SLC35A1: variants seen among roughly 807,000 people sequenced by gnomAD.
SLC35A1 encodes solute carrier family 35 member A1, also known as CMP-sialic acid transporter.
SLC35A1 carries 21 observed loss-of-function variants against 40.3 expected under a neutral mutation model. The ratio of observed to expected loss-of-function variants is 0.52; its 90% CI spans 0.37 to 0.75. SLC35A1 has a LOEUF of 0.75. Ranked by LOEUF, SLC35A1 falls within the 30% of genes least tolerant of loss-of-function variation. SLC35A1 has a pLI of 0.00. For missense variants in SLC35A1, 297 were observed against 382.1 expected (o/e 0.78, Z 1.86); for synonymous variants, 146 against 147.3 (o/e 0.99, Z 0.06).
chr6:87,488,707 T>G (rs755210900), intron 2 of SLC35A1, among the ~76,000 whole-genome samples: 1 of 152,234 alleles, frequency 6.6e-6, no homozygotes, highest in Non-Finnish European at 1.5e-5. Context: ...CTCCATGGAT[T>G]GTTCTTGGTG....
chr6:87,505,086 A>C (rs1376566642), intron 4 of SLC35A1, among the ~76,000 whole-genome samples: 1 of 152,144 alleles, frequency 6.6e-6, no homozygotes, highest in Non-Finnish European at 1.5e-5. Context: ...CAGTGGTGCC[A>C]CTGCTGCTGA....
In SLC35A1 at chr6:87,472,999, G is replaced by T. The variant is rs1237719622; in HGVS notation, c.-5G>T. 1 of 687,834 alleles carries T rather than the reference G, an allele frequency of 1.5e-6. No homozygotes were observed. Among genetic ancestry groups the T allele is most frequent in the Non-Finnish European group, 2.2e-6 (1 of 454,528 alleles). 42.6% of individuals were successfully genotyped at this position (687,834 alleles called of 1,614,324 possible). ...GTCAGTTCCGCGGGGGGCTGTCGGG[G>T]AACCATGGCTGCCCCGAGAGGTGAG... On this transcript the variant is annotated 5_prime_UTR_variant, in exon 1 of 8. Transcript: ENST00000369552.
At chr6:87,473,436 G>A (rs1768976759) in intron 1 of SLC35A1, among the ~76,000 whole-genome samples, 1 of 152,200 alleles carries the variant, frequency 6.6e-6, no homozygotes, top group South Asian at 2.1e-4. Context: ...CTACCCTGTG[G>A]ATGCTCAGAG....
chr6:87,483,588 T>G (rs1345486026), intron 2 of SLC35A1, among the ~76,000 whole-genome samples: 1 of 152,046 alleles, frequency 6.6e-6, no homozygotes, highest in Non-Finnish European at 1.5e-5. Flanking sequence ...AAACCAGGGG[T>G]GTCTTCCCTC....
At chr6:87,504,542 G>A (rs767793342) in intron 4 of SLC35A1, among the ~76,000 whole-genome samples, 35 of 152,046 alleles carry the variant, frequency 2.3e-4, no homozygotes, top group Admixed American at 7.9e-4. Flanking sequence ...TTCTTCTCAC[G>A]AGCCATGGAA....
At chr6:87,501,358 C>T (rs762223275) in intron 4 of SLC35A1, 48 bp downstream of exon 4, 7 of 1,562,628 alleles carry the variant, frequency 4.5e-6, no homozygotes, top group South Asian at 2.3e-5. Flanking sequence ...AGAAAACTTC[C>T]TTAAGTCTTA....
chr6:87,505,985 A>C (rs138141046), intron 4 of SLC35A1, among the ~76,000 whole-genome samples: 298 of 152,350 alleles, frequency 2.0e-3, no homozygotes, highest in African/African-American at 7.0e-3. Flanking sequence ...GGTGATGAGG[A>C]ATAAATAAGT....
chr6:87,506,090 C>T (rs777984138), intron 4 of SLC35A1, among the ~76,000 whole-genome samples: 2 of 152,124 alleles, frequency 1.3e-5, no homozygotes, highest in Non-Finnish European at 2.9e-5. Flanking sequence ...TTGGCCTGTT[C>T]AAAAGTTCAT....
At chr6:87,502,031 T>C (rs554365028) in intron 4 of SLC35A1, among the ~76,000 whole-genome samples, 2 of 152,342 alleles carry the variant, frequency 1.3e-5, no homozygotes, top group African/African-American at 4.8e-5. Flanking sequence ...CTCTAACTTT[T>C]AGCAAACAGA....
chr6:87,505,033 G>A (rs1205378304), intron 4 of SLC35A1, among the ~76,000 whole-genome samples: 1 of 152,196 alleles, frequency 6.6e-6, no homozygotes, highest in Non-Finnish European at 1.5e-5. Context: ...TGGTTCAGTA[G>A]GTCTGGGGTA....
chr6:87,500,090 A>G (rs533888348), intron 2 of SLC35A1, among the ~76,000 whole-genome samples: 1 of 152,314 alleles, frequency 6.6e-6, no homozygotes, highest in African/African-American at 2.4e-5. Flanking sequence ...CGACACAACA[A>G]GACTCCATCT....
At chr6:87,498,791 C>A (rs1009692217) in intron 2 of SLC35A1, among the ~76,000 whole-genome samples, 1 of 151,664 alleles carries the variant, frequency 6.6e-6, no homozygotes, top group African/African-American at 2.4e-5. Flanking sequence ...AACAAAACAA[C>A]AAAGATGTAA....
intron 5 of SLC35A1, among the ~76,000 whole-genome samples, chr6:87,507,739 G>A (rs762861324): frequency 3.3e-5 from 5 of 151,926 alleles, no homozygotes; most frequent in Non-Finnish European, 7.4e-5. Context: ...CCAGAGATAG[G>A]GGACTTTTGT....
chr6:87,479,176 C>T (rs1310910826), intron 2 of SLC35A1, among the ~76,000 whole-genome samples: 3 of 152,218 alleles, frequency 2.0e-5, no homozygotes, highest in Non-Finnish European at 4.4e-5. Context: ...ATTTAGAACT[C>T]ATATCTAACA....
Position 87,511,804 on chromosome 6 carries a change from T to C in SLC35A1, c.*278T>C. On this transcript the variant is annotated 3_prime_UTR_variant, in exon 8 of 8. Coordinates refer to ENST00000369552, the MANE Select transcript of SLC35A1 (RefSeq NM_006416.5). ...TTGTAAATAAAAAGTATGGAGATGATACGGTGTTAAAAAAAATCATGGTAA... is the reference window on the plus strand; with the variant it reads ...TTGTAAATAAAAAGTATGGAGATGACACGGTGTTAAAAAAAATCATGGTAA... 1 of 408,784 alleles carries C rather than the reference T, an allele frequency of 2.4e-6. No individual in the cohort carries two copies. Among genetic ancestry groups the C allele is most frequent in the Non-Finnish European group, 4.6e-6 (1 of 217,998 alleles). 25.3% of individuals were successfully genotyped at this position (408,784 alleles called of 1,614,324 possible).
At chr6:87,498,898 T>G (rs1395205224) in intron 2 of SLC35A1, among the ~76,000 whole-genome samples, 3 of 152,234 alleles carry the variant, frequency 2.0e-5, no homozygotes, top group African/African-American at 7.2e-5. Flanking sequence ...TGGAAAACTC[T>G]CCTACATAGA....
At chr6:87,495,113 G>T (rs2300905) in intron 2 of SLC35A1, among the ~76,000 whole-genome samples, 32,271 of 152,000 alleles carry the variant, frequency 0.21, 3,594 homozygotes, top group African/African-American at 0.29. Context: ...GGGATTATAG[G>T]TGCGTAGCAC....
At chr6:87,484,574 A>G (rs1258214492) in intron 2 of SLC35A1, among the ~76,000 whole-genome samples, 2 of 152,100 alleles carry the variant, frequency 1.3e-5, no homozygotes, top group Non-Finnish European at 2.9e-5. Flanking sequence ...AAAGAGAGTA[A>G]CGGGGTGAGT....
chr6:87,511,354 T>C (rs201517874), intron 7 of SLC35A1, 45 bp from the exon 8 acceptor site: 1 of 1,608,536 alleles, frequency 6.2e-7, no homozygotes, highest in Non-Finnish European at 8.5e-7. Context: ...TTAGGCATTT[T>C]AAAGACACAC....
Sources: gnomAD v4.1 joint callset for allele counts (sites outside exome capture counted in the v4.1 genomes callset) on GRCh38, gnomAD v4.1.1 for gene constraint, MANE v1.5 for transcripts, NCBI Gene and HGNC (gene_info 2026-07-23, HGNC 2026-07-21) for gene names.